ARK2N: variants seen among roughly 807,000 people sequenced by gnomAD.
The protein encoded by ARK2N is arkadia (RNF111) N-terminal like PKA signaling regulator 2N, also known as protein ARK2N.
the ARK2N span, among the ~76,000 whole-genome samples, chr18:46,201,150 C>A: frequency 2.2e-4 from 34 of 151,672 alleles, no homozygotes; most frequent in African/African-American, 8.2e-4. Context: ...TGCTAATTTT[C>A]AAAATATTTT....
chr18:46,254,594 C>T, the ARK2N span, among the ~76,000 whole-genome samples: 1 of 152,108 alleles, frequency 6.6e-6, no homozygotes, highest in Non-Finnish European at 1.5e-5. Context: ...GTGAAAATTA[C>T]AGGAATTAAA....
chr18:46,236,864 T>G, the ARK2N span, among the ~76,000 whole-genome samples: 124 of 151,288 alleles, frequency 8.2e-4, no homozygotes, highest in African/African-American at 2.9e-3. Flanking sequence ...TTGTTTGTTT[T>G]TTGCTTTTTT....
the ARK2N span, among the ~76,000 whole-genome samples, chr18:46,243,056 G>A: frequency 2.6e-5 from 4 of 152,156 alleles, no homozygotes; most frequent in Admixed American, 1.3e-4. Context: ...ATGACATTTT[G>A]TTATGAAGCT....
At chr18:46,216,474 T>C in the ARK2N span, 1 of 1,614,120 alleles carries the variant, frequency 6.2e-7, no homozygotes, top group Non-Finnish European at 8.5e-7. This position sits in a 1 kb window ranked among gnomAD's most constrained non-coding sequence, Gnocchi z 4.3. Flanking sequence ...GGAAGAAATA[T>C]AACCTGCTGC....
At chr18:46,197,321 G>A in the ARK2N span, among the ~76,000 whole-genome samples, 3 of 151,870 alleles carry the variant, frequency 2.0e-5, no homozygotes, top group African/African-American at 7.3e-5. Flanking sequence ...TGCAACCTCT[G>A]CCTCCCAGGT....
chr18:46,263,047 A>C, the ARK2N span: 1 of 1,614,198 alleles, frequency 6.2e-7, no homozygotes, highest in Non-Finnish European at 8.5e-7. Context: ...TCCCCAGCAG[A>C]CTTGGGCTTC....
At chr18:46,192,553 G>A in the ARK2N span, among the ~76,000 whole-genome samples, 1 of 151,684 alleles carries the variant, frequency 6.6e-6, no homozygotes, top group Non-Finnish European at 1.5e-5. Flanking sequence ...TTCCAGCCTG[G>A]CGACAGAGCA....
At chr18:46,179,623 A>T in the ARK2N span, among the ~76,000 whole-genome samples, 2 of 148,320 alleles carry the variant, frequency 1.3e-5, no homozygotes, top group Non-Finnish European at 3.0e-5. Context: ...TTTTAAAGTT[A>T]TCTTTTTTTT....
the ARK2N span, among the ~76,000 whole-genome samples, chr18:46,174,518 C>T: frequency 1.3e-5 from 2 of 152,100 alleles, no homozygotes; most frequent in African/African-American, 4.8e-5. Context: ...GCCTGGATTG[C>T]CGGCTGACGC....
At chr18:46,187,178 C>T in the ARK2N span, among the ~76,000 whole-genome samples, 8 of 148,778 alleles carry the variant, frequency 5.4e-5, no homozygotes, top group East Asian at 2.1e-4. Flanking sequence ...TTTAAAAAGA[C>T]GGCTGAGACA....
the ARK2N span, among the ~76,000 whole-genome samples, chr18:46,244,820 C>T: frequency 6.6e-6 from 1 of 151,596 alleles, no homozygotes; most frequent in Non-Finnish European, 1.5e-5. Flanking sequence ...AGACTGGTCT[C>T]GAATTCCTGA....
chr18:46,239,554 C>G, the ARK2N span, among the ~76,000 whole-genome samples: 1 of 152,076 alleles, frequency 6.6e-6, no homozygotes, highest in Admixed American at 6.6e-5. Flanking sequence ...ATTTTCTTTT[C>G]TGAATCTACT....
the ARK2N span, among the ~76,000 whole-genome samples, chr18:46,198,167 T>C: frequency 1.0e-3 from 156 of 151,772 alleles, 1 homozygote; most frequent in Non-Finnish European, 1.3e-4. Flanking sequence ...CCGGGTATGG[T>C]GGTGGCGCCT....
the ARK2N span, among the ~76,000 whole-genome samples, chr18:46,260,769 T>C: frequency 6.6e-6 from 1 of 152,250 alleles, no homozygotes; most frequent in Non-Finnish European, 1.5e-5. Context: ...ACTTCAGGTA[T>C]AGCCTGAAGA....
chr18:46,215,371 C>G, the ARK2N span, among the ~76,000 whole-genome samples: 2 of 152,134 alleles, frequency 1.3e-5, no homozygotes, highest in Non-Finnish European at 2.9e-5. Context: ...TATTGTAACT[C>G]CCCTCCTCCC....
the ARK2N span, among the ~76,000 whole-genome samples, chr18:46,210,926 A>G: frequency 6.6e-6 from 1 of 151,416 alleles, no homozygotes; most frequent in African/African-American, 2.4e-5. Context: ...AAAAAAAAAA[A>G]GAACTCACGT....
At chr18:46,218,348 A>C in the ARK2N span, 1 of 152,182 alleles carries the variant, frequency 6.6e-6, no homozygotes. Flanking sequence ...TTGAATCTAT[A>C]GTTTGGTTTC....
the ARK2N span, among the ~76,000 whole-genome samples, chr18:46,201,946 T>G: frequency 3.9e-5 from 6 of 152,016 alleles, no homozygotes; most frequent in South Asian, 1.2e-3. Context: ...CCTGGCTAAT[T>G]TTTGTATTTT....
the ARK2N span, among the ~76,000 whole-genome samples, chr18:46,243,813 C>T: frequency 1.3e-5 from 2 of 152,108 alleles, no homozygotes; most frequent in African/African-American, 4.8e-5. Context: ...GTATCTACTC[C>T]AAAAGGTTAT....
Sources: gnomAD v4.1 joint callset for allele counts (sites outside exome capture counted in the v4.1 genomes callset) on GRCh38, gnomAD v4.1.1 for gene constraint, Gnocchi (gnomAD v3.1) non-coding constraint, MANE v1.5 for transcripts, NCBI Gene and HGNC (gene_info 2026-07-23, HGNC 2026-07-21) for gene names.